CADM2: variants seen among roughly 807,000 people sequenced by gnomAD.
The protein encoded by CADM2 is cell adhesion molecule 2, also known as immunoglobulin superfamily member 4D.
Under a neutral mutation model 49.8 loss-of-function variants are expected in CADM2, and 12 were observed. The observed-to-expected ratio is 0.24, with a 90% confidence interval of 0.15 to 0.39. The LOEUF (loss-of-function observed/expected upper bound fraction) is 0.39, where lower values mean the gene tolerates loss of function less well. Ranked by LOEUF, CADM2 falls within the 10% of genes least tolerant of loss-of-function variation. The pLI is 1.00. For synonymous variants in CADM2, 214 were observed against 175.4 expected, an observed-to-expected ratio of 1.22 and a Z score of -1.74; for missense variants, 378 against 492.3, an observed-to-expected ratio of 0.77 and a Z score of 2.20.
intron 1 of CADM2, among the ~76,000 whole-genome samples, chr3:85,587,851 C>A (rs532154532): frequency 6.6e-6 from 1 of 151,986 alleles, no homozygotes; most frequent in Non-Finnish European, 1.5e-5. Flanking sequence ...CTCAAGCTAT[C>A]CTCCCACCTC....
intron 1 of CADM2, among the ~76,000 whole-genome samples, chr3:85,152,141 A>G (rs924622833): frequency 6.6e-6 from 1 of 152,040 alleles, no homozygotes; most frequent in Admixed American, 6.6e-5. Flanking sequence ...TTTCTGTATT[A>G]TTACTTCACT....
intron 3 of CADM2, among the ~76,000 whole-genome samples, chr3:85,870,402 C>A (rs2075883609): frequency 6.6e-6 from 1 of 152,022 alleles, no homozygotes; most frequent in South Asian, 2.1e-4. Context: ...TTTCTCCTTC[C>A]TCCCATCCTC....
rs59277971 is a variant in CADM2, at chr3:85,685,615, C to CTT, written c.62-40888_62-40887dup. ...AACAATTGAAACATTTTCTTTCTTT[C>CTT]TTTTTTTTTTTTTTTTTTTTGTTTT... On this transcript the variant is annotated intron_variant, in intron 1 of 9. Transcript: ENST00000383699. 4.0e-3 allele frequency among the ~76,000 whole-genome samples: 490 copies of CTT among 122,002 alleles called. 8 individuals are homozygous for CTT. Among genetic ancestry groups the CTT allele is most frequent in the African/African-American group, 9.1e-3 (310 of 34,138 alleles). The allele number at this position is 122,002 out of a possible 152,430, so 80.0% of individuals were successfully genotyped here. A position where few individuals can be genotyped will look rare whatever the true frequency, so the allele number is the denominator to read the frequency against.
At chr3:85,877,957 G>A (rs909830937) in intron 3 of CADM2, among the ~76,000 whole-genome samples, 1 of 151,980 alleles carries the variant, frequency 6.6e-6, no homozygotes, top group East Asian at 1.9e-4. Flanking sequence ...ACTGTTAAAT[G>A]TTTTTTCCTT....
At chr3:85,311,927 A>G (rs12491352) in intron 1 of CADM2, among the ~76,000 whole-genome samples, 14,408 of 152,230 alleles carry the variant, frequency 0.095, 1,405 homozygotes, top group African/African-American at 0.25. Context: ...AAATGTGACT[A>G]TGTCCTTGTG....
rs186924235 is a variant in CADM2, at chr3:86,055,302, A to T, written c.971-10303A>T. Among the ~76,000 whole-genome samples the T allele has an allele frequency of 9.9e-4, 150 of 152,192 alleles. 1 individual carries two copies. Among genetic ancestry groups the T allele is most frequent in the Non-Finnish European group, 1.9e-4 (13 of 67,994 alleles). On this transcript the variant is annotated intron_variant, in intron 8 of 9. Coordinates refer to ENST00000383699, the MANE Select transcript of CADM2 (RefSeq NM_001167675.2). ...TAAACAACAGAAATTTATTTCTCAC[A>T]GTTCTGGATGCTGAGAATTATGATA...
chr3:85,798,766 C>A (rs1399900140), intron 2 of CADM2, among the ~76,000 whole-genome samples: 1 of 151,978 alleles, frequency 6.6e-6, no homozygotes, highest in East Asian at 1.9e-4. Context: ...TTTTTTGGTT[C>A]CATATGAAAT....
At chr3:85,329,703 T>G (rs2044860294) in intron 1 of CADM2, among the ~76,000 whole-genome samples, 1 of 152,204 alleles carries the variant, frequency 6.6e-6, no homozygotes, top group Non-Finnish European at 1.5e-5. Context: ...TAATATGATA[T>G]GCTGAAGTAT....
intron 1 of CADM2, among the ~76,000 whole-genome samples, chr3:85,308,342 A>ACACACACACACAC (rs1559771405): frequency 7.7e-6 from 1 of 130,280 alleles, no homozygotes; most frequent in South Asian, 2.3e-4. Flanking sequence ...CACACACACA[A>ACACACACACACAC]CACTCCATGT....
chr3:85,447,306 A>G (rs1372974066), intron 1 of CADM2, among the ~76,000 whole-genome samples: 1 of 151,974 alleles, frequency 6.6e-6, no homozygotes. Context: ...AGTTCTTGTC[A>G]TTTACATTTT....
At chr3:85,762,579 A>G (rs1192472876) in intron 2 of CADM2, among the ~76,000 whole-genome samples, 1 of 137,794 alleles carries the variant, frequency 7.3e-6, no homozygotes, top group African/African-American at 2.7e-5. Context: ...TTACAGCGTG[A>G]GCCACTGCAC....
chr3:85,115,438 A>G (rs1225179339), intron 1 of CADM2, among the ~76,000 whole-genome samples: 1 of 152,188 alleles, frequency 6.6e-6, no homozygotes, highest in South Asian at 2.1e-4. Flanking sequence ...AGATGGGAGT[A>G]TAGATGTGAG....
intron 1 of CADM2, among the ~76,000 whole-genome samples, chr3:85,435,143 A>G (rs912728695): frequency 2.0e-5 from 3 of 151,898 alleles, no homozygotes; most frequent in Admixed American, 6.6e-5. Flanking sequence ...TACATTAGGT[A>G]TTTTTCCTAA....
rs1421236842 is a variant in CADM2 at position 85,315,960 on chromosome 3, AAAAG to A, written c.61+356299_61+356302del. 2.2e-4 allele frequency among the ~76,000 whole-genome samples: 33 copies of A among 152,256 alleles called. No homozygotes were observed. In the East Asian group the frequency reaches 5.8e-3, roughly 27 times the overall value. On this transcript the variant is annotated intron_variant, in intron 1 of 9. Coordinates refer to ENST00000383699, the MANE Select transcript of CADM2 (RefSeq NM_001167675.2). ...AAGCACATCAAGAAGGAAGACATTT[AAAAG>A]AAAGAAGTAGTCACACATCTCACAC...
intron 1 of CADM2, among the ~76,000 whole-genome samples, chr3:85,289,868 A>T (rs572628554): frequency 3.3e-5 from 5 of 152,354 alleles, no homozygotes; most frequent in Non-Finnish European, 2.9e-5. Flanking sequence ...CGCCTCTTAA[A>T]CATCAGGATA....
chr3:85,512,900 T>TAA (rs1358032130), intron 1 of CADM2, among the ~76,000 whole-genome samples: 1 of 152,088 alleles, frequency 6.6e-6, no homozygotes. Flanking sequence ...GGATTGTCTG[T>TAA]AAAATTCACA....
intron 5 of CADM2, among the ~76,000 whole-genome samples, chr3:85,897,090 C>T (rs960403182): frequency 2.0e-5 from 3 of 151,812 alleles, no homozygotes; most frequent in Non-Finnish European, 4.4e-5. Context: ...GAAGGGGCTT[C>T]CTAAAGTAGT....
intron 1 of CADM2, among the ~76,000 whole-genome samples, chr3:85,102,317 C>A (rs1050847275): frequency 1.3e-5 from 2 of 152,070 alleles, no homozygotes; most frequent in African/African-American, 4.8e-5. Context: ...ATCAAATTTA[C>A]AAATATTGCT....
chr3:86,061,337 T>C (rs1738621661), intron 8 of CADM2, among the ~76,000 whole-genome samples: 1 of 152,100 alleles, frequency 6.6e-6, no homozygotes, highest in Non-Finnish European at 1.5e-5. Context: ...ACTGGTGTAA[T>C]ATTGGGCATA....
Sources: allele counts gnomAD v4.1 joint callset (sites outside exome capture counted in the v4.1 genomes callset), GRCh38; gene constraint gnomAD v4.1.1; transcripts MANE v1.5; gene names NCBI Gene and HGNC (gene_info 2026-07-23, HGNC 2026-07-21).